The following MCC variants were observed in gnomAD, a reference collection of about 807,000 sequenced individuals.
MCC encodes MCC regulator of Wnt signaling pathway.
Under a neutral mutation model 116.2 loss-of-function variants are expected in MCC, and 90 were observed. The observed-to-expected ratio is 0.77, with a 90% CI of 0.65 to 0.92. The LOEUF (loss-of-function observed/expected upper bound fraction) is 0.92. Ranked by LOEUF, MCC falls within the 40% of genes least tolerant of loss-of-function variation. MCC has a pLI of 0.00. For missense variants in MCC, 1,516 were observed against 1,312.2 expected (o/e 1.16, Z -2.40); for synonymous variants, 578 against 510.5 (o/e 1.13, Z -1.78).
At chr5:113,233,025 A>C (rs1198243292) in intron 3 of MCC, among the ~76,000 whole-genome samples, 2 of 152,198 alleles carry the variant, frequency 1.3e-5, no homozygotes, top group Non-Finnish European at 2.9e-5. Flanking sequence ...TTACAGGGCT[A>C]AATGAAATAC....
intron 17 of MCC, among the ~76,000 whole-genome samples, chr5:113,037,024 G>T (rs1313630467): frequency 6.6e-6 from 1 of 152,190 alleles, no homozygotes; most frequent in East Asian, 1.9e-4. Context: ...AACCAAATAT[G>T]AAGAATCAGC....
intron 3 of MCC, among the ~76,000 whole-genome samples, chr5:113,250,893 C>T (rs1032175651): frequency 2.0e-5 from 3 of 152,208 alleles, no homozygotes; most frequent in Admixed American, 6.5e-5. Flanking sequence ...TAGAAAAACA[C>T]AGCCCCTGCA....
Position 113,024,235 on chromosome 5 carries a change from A to C in MCC, c.*3067T>G, listed in dbSNP as rs1750370287. 1 of 152,232 alleles carries C rather than the reference A, an allele frequency of 6.6e-6. No homozygotes were observed. Among genetic ancestry groups the C allele is most frequent in the African/African-American group, 2.4e-5 (1 of 41,468 alleles). The allele number at this position is 152,232 out of a possible 1,614,324, so 9.4% of individuals were successfully genotyped here. A position where few individuals can be genotyped will look rare whatever the true frequency, so the allele number is the denominator to read the frequency against. ...AATTTTAAAAGTTAAGTGCTAGTTA[A>C]ACATAACATTTGTTTCAGGCAGCAT... On this transcript the variant is annotated 3_prime_UTR_variant, in exon 19 of 19. Coordinates refer to ENST00000408903, the MANE Select transcript of MCC (RefSeq NM_001085377.2).
intron 3 of MCC, among the ~76,000 whole-genome samples, chr5:113,214,856 C>T (rs1471663831): frequency 6.6e-6 from 1 of 152,198 alleles, no homozygotes; most frequent in African/African-American, 2.4e-5. Context: ...CAGGATAAAG[C>T]CCACATTGCA....
At chr5:113,116,724 T>C (rs1757418284) in intron 6 of MCC, among the ~76,000 whole-genome samples, 1 of 152,202 alleles carries the variant, frequency 6.6e-6, no homozygotes. Flanking sequence ...TCAACCCTGG[T>C]TACTCTAAGG....
intron 1 of MCC, among the ~76,000 whole-genome samples, chr5:113,475,612 C>T (rs553402041): frequency 2.9e-4 from 44 of 152,284 alleles, no homozygotes; most frequent in African/African-American, 9.4e-4. Flanking sequence ...ATGGCTTCCA[C>T]TCTGAGACTA....
At chr5:113,480,347 A>G (rs895407961) in intron 1 of MCC, among the ~76,000 whole-genome samples, 1 of 152,256 alleles carries the variant, frequency 6.6e-6, no homozygotes. Context: ...GGAACAATGA[A>G]GGTGTTTATT....
chr5:113,229,582 GC>G (rs1763867288), intron 3 of MCC, among the ~76,000 whole-genome samples: 1 of 152,132 alleles, frequency 6.6e-6, no homozygotes. Flanking sequence ...AATCACTCCG[GC>G]AAGTGTTTTT....
intron 6 of MCC, among the ~76,000 whole-genome samples, chr5:113,116,136 T>C (rs1253387800): frequency 6.6e-6 from 1 of 152,212 alleles, no homozygotes; most frequent in Admixed American, 6.5e-5. Flanking sequence ...GGCTGTCTCC[T>C]GCCCTTGACA....
intron 1 of MCC, among the ~76,000 whole-genome samples, chr5:113,463,129 C>T (rs1257826697): frequency 6.6e-6 from 1 of 152,116 alleles, no homozygotes; most frequent in African/African-American, 2.4e-5. Context: ...GAGCAGAACA[C>T]ACTGGAGAAA....
rs1027773170 is a variant in MCC, at chr5:113,384,818, G to C, written c.415+150C>G. 4 of 788,352 alleles carry C rather than the reference G, an allele frequency of 5.1e-6. No individual in the cohort carries two copies. In the African/African-American group the frequency reaches 6.9e-5, roughly 14 times the overall value. The allele number at this position is 788,352 out of a possible 1,614,324, so 48.8% of individuals were successfully genotyped here. A position where few individuals can be genotyped will look rare whatever the true frequency, so the allele number is the denominator to read the frequency against. ...ATCAGACAGAACTGGGGGAAACAGTGAGCACTCCCCCAGGGAAAGTGTGGC... is the reference window on the plus strand; with the variant it reads ...ATCAGACAGAACTGGGGGAAACAGTCAGCACTCCCCCAGGGAAAGTGTGGC... On this transcript the variant is annotated intron_variant, in intron 2 of 18. Transcript: ENST00000408903.
At position 113,275,823 on chromosome 5, in the gene MCC, T is replaced by C. The variant is rs534336214; in HGVS notation, c.627+64696A>G. On this transcript the variant is annotated intron_variant, in intron 3 of 18. Transcript: ENST00000408903. ...TATATATATAAAGGACTTTAACATC[T>C]ACAGATTTTGGTGTAGCGGGAGGTC... 4.6e-5 allele frequency among the ~76,000 whole-genome samples: 7 copies of C among 152,300 alleles called. No individual in the cohort carries two copies. The East Asian group carries it at 1.3e-3, about 29-fold the overall frequency.
chr5:113,388,230 C>A (rs1240201141), intron 1 of MCC, among the ~76,000 whole-genome samples: 10 of 152,178 alleles, frequency 6.6e-5, no homozygotes, highest in Admixed American at 5.9e-4. Flanking sequence ...ACATTCATTG[C>A]ACTCTACCAA....
intron 4 of MCC, among the ~76,000 whole-genome samples, chr5:113,150,843 C>G (rs1297015791): frequency 6.6e-6 from 1 of 152,164 alleles, no homozygotes; most frequent in African/African-American, 2.4e-5. Flanking sequence ...AAGAGGATCA[C>G]TTGAGCTCAG....
intron 4 of MCC, among the ~76,000 whole-genome samples, chr5:113,146,030 G>A (rs1014392801): frequency 1.3e-5 from 2 of 152,124 alleles, no homozygotes; most frequent in African/African-American, 4.8e-5. Context: ...TGATTTAGGA[G>A]AAGTAACAAG....
At chr5:113,052,655 T>A (rs1752559937) in intron 15 of MCC, among the ~76,000 whole-genome samples, 1 of 152,166 alleles carries the variant, frequency 6.6e-6, no homozygotes, top group Non-Finnish European at 1.5e-5. Context: ...ACCAGGGGGT[T>A]GTTTTTCTCC....
chr5:113,386,373 C>T (rs1179663200), intron 1 of MCC, among the ~76,000 whole-genome samples: 8 of 152,110 alleles, frequency 5.3e-5, no homozygotes, highest in African/African-American at 1.9e-4. Flanking sequence ...TGGTCTCTCT[C>T]AAATTCCCTA....
intron 15 of MCC, 73 bp from the exon 16 acceptor site, chr5:113,049,372 TG>T: frequency 7.5e-7 from 1 of 1,338,066 alleles, no homozygotes; most frequent in South Asian, 1.5e-5. Context: ...GCCAAGTGGG[TG>T]GGTGGGGGGT....
At chr5:113,104,381 G>A (rs57248292) in intron 6 of MCC, 26 bp from the exon 7 acceptor site, 32,999 of 1,577,942 alleles carry the variant, frequency 0.021, 1,094 homozygotes, top group African/African-American at 0.13. Context: ...GACAAAATGC[G>A]TTACACAGGG....
Sources: gnomAD v4.1 joint callset for allele counts (sites outside exome capture counted in the v4.1 genomes callset) on GRCh38, gnomAD v4.1.1 for gene constraint, MANE v1.5 for transcripts, NCBI Gene and HGNC (gene_info 2026-07-23, HGNC 2026-07-21) for gene names.